The following PKD1 variants were observed in gnomAD, a reference collection of about 807,000 sequenced individuals.
PKD1 encodes the protein polycystin-1.
Under a neutral mutation model 361.7 loss-of-function variants are expected in PKD1, and 81 were observed. The observed-to-expected ratio is 0.22, with a 90% CI of 0.19 to 0.27. The LOEUF is 0.27. Among genes scored for constraint, PKD1 ranks in the 10% least tolerant of loss-of-function variants. PKD1 has a pLI of 1.00. For synonymous variants in PKD1, 3,615 were observed against 2,818.3 expected, an observed-to-expected ratio of 1.28 and a Z score of -8.95; for missense variants, 6,399 against 6,118.3, an observed-to-expected ratio of 1.05 and a Z score of -1.53.
Position 2,090,040 on chromosome 16 carries a change from C to G in PKD1, c.12599G>C (p.Ser4200Thr), listed in dbSNP as rs776993907. ...ACACCTTGTCCCCAGCCGGCCCAGG[C>G]TCACGCTCAGCCCATCCAGCTGGCT... Reference protein sequence around the residue: ...SSSQLDGLSVSLGRLGTRCEP... With the variant: ...SSSQLDGLSVTLGRLGTRCEP... The change falls in exon 46 of 46, where the codon AGC (serine) becomes ACC (threonine). Residue 4200 changes from serine (S) to threonine (T), a missense_variant. Transcript: ENST00000262304. 6.2e-7 allele frequency: 1 copy of G among 1,611,444 alleles called. No homozygotes were observed. Among genetic ancestry groups the G allele is most frequent in the South Asian group, 1.1e-5 (1 of 90,968 alleles).
rs768991283 is a variant in PKD1, at chr16:2,114,240, G to A, written c.2783C>T (p.Ala928Val). ...SRANLSLRVT[A>V]EEPICGLRAT... ...GCGGAGGCCACAGATGGGCTCCTCC[G>A]CCGTCACCCGCAGGCTGAGGTTGGC... Residue 928 changes from alanine to valine, a missense_variant, in exon 11 of 46, where the codon GCG becomes GTG. By Grantham distance (64) the Ala-to-Val change is moderately conservative. Transcript: ENST00000262304. The A allele has an allele frequency of 9.3e-6, 15 of 1,609,978 alleles. No individual in the cohort carries two copies. The highest frequency in any genetic ancestry group is 8.9e-5 in the East Asian group (4 of 44,854).
chr16:2,115,824 C>T (rs554939157), intron 9 of PKD1, among the ~76,000 whole-genome samples, 168 bp downstream of exon 9: 16 of 152,330 alleles, frequency 1.1e-4, no homozygotes, highest in African/African-American at 2.9e-4. Context: ...CCACCCAATC[C>T]ACCCCCAGGA....
chr16:2,097,043 C>T, intron 34 of PKD1, 105 bp downstream of exon 34: 1 of 763,334 alleles, frequency 1.3e-6, no homozygotes. Context: ...CAGCCCTGCC[C>T]TGGCACCCCA....
chr16:2,098,508 GC>G (rs1351708384), intron 30 of PKD1, among the ~76,000 whole-genome samples: 5 of 146,314 alleles, frequency 3.4e-5, no homozygotes, highest in Non-Finnish European at 7.5e-5. Flanking sequence ...ACCACACCCG[GC>G]CATCGTTCCA....
rs998586435 is a variant in PKD1 at position 2,109,861 on chromosome 16, T to C, written c.5306A>G (p.His1769Arg). The C allele has an allele frequency of 6.2e-7, 1 of 1,610,520 alleles. No individual in the cohort carries two copies. Among genetic ancestry groups the C allele is most frequent in the African/African-American group, 1.3e-5 (1 of 74,842 alleles). The change falls in exon 15 of 46, where the codon CAT becomes CGT. Residue 1769 changes from histidine to arginine, a missense_variant. Coordinates refer to ENST00000262304, the MANE Select transcript of PKD1 (RefSeq NM_001009944.3). The stretch of plus-strand genomic sequence containing the variant: ...GTGCAGGCCGGGTGTGGGGAAGCTA[T>C]GGGTGGTAAATGGCTCGGAGGTCTC... ...SWETSEPFTT[H>R]SFPTPGLHLV...
intron 1 of PKD1, among the ~76,000 whole-genome samples, chr16:2,129,159 C>G (rs2092836103): frequency 6.6e-6 from 1 of 151,292 alleles, no homozygotes; most frequent in Admixed American, 6.6e-5. Flanking sequence ...CCGCGCCCAC[C>G]CTGTTTTTTT....
chr16:2,094,217 G>T lies in PKD1; in HGVS notation c.10500-7C>A. On this transcript the variant is annotated splice_region_variant and splice_polypyrimidine_tract_variant and intron_variant, in intron 34 of 45. Coordinates refer to ENST00000262304, the MANE Select transcript of PKD1 (RefSeq NM_001009944.3). ...CTCCCCAGGAGTGCTGGACCTGAGG[G>T]ACATGGTAGGCTGTGAATTCATCCC... 6.5e-7 allele frequency: 1 copy of T among 1,528,150 alleles called. No homozygotes were observed. 94.7% of individuals were successfully genotyped at this position (1,528,150 alleles called of 1,614,324 possible). A position where few individuals can be genotyped will look rare whatever the true frequency, so the allele number is the denominator to read the frequency against.
At position 2,109,457 on chromosome 16, in the gene PKD1, G is replaced by A. The variant is rs748637493; in HGVS notation, c.5710C>T (p.Leu1904=). 1.2e-6 allele frequency: 2 copies of A among 1,607,476 alleles called. No homozygotes were observed. Among genetic ancestry groups the A allele is most frequent in the African/African-American group, 1.3e-5 (1 of 74,980 alleles). Residue 1904 remains leucine (L), a synonymous_variant, in exon 15 of 46, where the codon CTG becomes TTG. Transcript: ENST00000262304. ...GCCAGCAGGATCTGAAAATGGACCA[G>A]CTGCCCGGGCGCCACCACCTTGCTG... ...ASSKVVAPGQ[L]VHFQILLAAG...
At position 2,099,979 on chromosome 16, in the gene PKD1, G is replaced by A. The variant is rs980803513; in HGVS notation, c.9805C>T (p.Arg3269Trp). The change falls in exon 29 of 46, where the codon CGG becomes TGG. Residue 3269 changes from arginine to tryptophan, a missense_variant. By Grantham distance (101) the Arg-to-Trp change is moderately radical (BLOSUM62 -3). Transcript: ENST00000262304. ...CGAGTGAAACGGCTACGAGGCGGCC[G>A]GTCCCATATGGAGAGCCAGATGTGC... ...DKHIWLSIWDRPPRSRFTRIQ... is the reference protein window; with the variant it reads ...DKHIWLSIWDWPPRSRFTRIQ... 2.0e-5 allele frequency: 32 copies of A among 1,562,762 alleles called. No homozygotes were observed. The highest frequency in any genetic ancestry group is 5.7e-5 in the Admixed American group (3 of 52,364).
chr16:2,131,877 C>A (rs2092885450), intron 1 of PKD1: 1 of 152,184 alleles, frequency 6.6e-6, no homozygotes, highest in Non-Finnish European at 1.5e-5. Flanking sequence ...GTGGTGTTCA[C>A]AACGAATTGA....
chr16:2,116,187 C>T (rs550142667), intron 8 of PKD1, 69 bp from the exon 9 acceptor site: 6 of 1,518,418 alleles, frequency 4.0e-6, no homozygotes, highest in East Asian at 2.3e-5. Flanking sequence ...TCCCCCTACC[C>T]GAACTTCCCA....
At chr16:2,124,101 C>T (rs1459140543) in intron 1 of PKD1, among the ~76,000 whole-genome samples, 1 of 152,182 alleles carries the variant, frequency 6.6e-6, no homozygotes, top group Non-Finnish European at 1.5e-5. Flanking sequence ...GTCTTCACCC[C>T]TTCCCAGCAC....
At position 2,090,017 on chromosome 16, in the gene PKD1, A is replaced by C; in HGVS notation, c.12622T>G (p.Cys4208Gly). ...TGGAGGCGGGAGGGCTCAGGCTCAC[A>C]CCTTGTCCCCAGCCGGCCCAGGCTC... Reference protein sequence around the residue: ...SVSLGRLGTRCEPEPSRLQAV... With the variant: ...SVSLGRLGTRGEPEPSRLQAV... The change falls in exon 46 of 46, where the codon TGT becomes GGT. Residue 4208 changes from cysteine to glycine, a missense_variant. Transcript: ENST00000262304. 6.2e-7 allele frequency: 1 copy of C among 1,610,234 alleles called. No homozygotes were observed. Among genetic ancestry groups the C allele is most frequent in the Non-Finnish European group, 8.5e-7 (1 of 1,179,010 alleles).
chr16:2,091,916 A>G lies in PKD1; in HGVS notation c.11412-10T>C. 2 of 1,611,550 alleles carry G rather than the reference A, an allele frequency of 1.2e-6. No homozygotes were observed. The highest frequency in any genetic ancestry group is 1.7e-6 in the Non-Finnish European group (2 of 1,179,606). On this transcript the variant is annotated splice_polypyrimidine_tract_variant and intron_variant, in intron 40 of 45. Coordinates refer to ENST00000262304, the MANE Select transcript of PKD1 (RefSeq NM_001009944.3). Reference sequence around the variant, plus strand: ...GCCCCAGGACCATGCCCTGCCGGAGAGGGGTGGCGTGGGTGCCGCACCCCA... The same window carrying G: ...GCCCCAGGACCATGCCCTGCCGGAGGGGGGTGGCGTGGGTGCCGCACCCCA...
chr16:2,110,289 G>A lies in PKD1; in HGVS notation c.4878C>T (p.Val1626=). Residue 1626 remains valine, a synonymous_variant, in exon 15 of 46, where the codon GTC becomes GTT. Transcript: ENST00000262304. ...EVGSAQDSIF[V]YVLQLIEGLQ... ...GCCCCTCTATGAGCTGCAGGACATA[G>A]ACGAAGATGCTGTCCTGGGCGGAGC... 4 of 1,612,642 alleles carry A rather than the reference G, an allele frequency of 2.5e-6. No homozygotes were observed. The highest frequency in any genetic ancestry group is 3.4e-6 in the Non-Finnish European group (4 of 1,179,834).
At position 2,109,886 on chromosome 16, in the gene PKD1, C is replaced by G; in HGVS notation, c.5281G>C (p.Glu1761Gln). Residue 1761 changes from glutamate (E) to glutamine (Q), a missense_variant, in exon 15 of 46, where the codon GAG becomes CAG. By Grantham distance (29) the Glu-to-Gln change is conservative. Transcript: ENST00000262304. ...TGGGTGGTAAATGGCTCGGAGGTCT[C>G]CCAGCTCAGCCCCTCCTCCAAGGAC... Reference protein sequence around the residue: ...TWSLEEGLSWETSEPFTTHSF... With the variant: ...TWSLEEGLSWQTSEPFTTHSF... 1.2e-6 allele frequency: 2 copies of G among 1,610,624 alleles called. No individual in the cohort carries two copies. The highest frequency in any genetic ancestry group is 1.7e-5 in the Admixed American group (1 of 60,000).
At position 2,091,833 on chromosome 16, in the gene PKD1, C is replaced by T. The variant is rs142125098; in HGVS notation, c.11485G>A (p.Glu3829Lys). The T allele has an allele frequency of 2.0e-5, 32 of 1,610,078 alleles. No individual in the cohort carries two copies. Among genetic ancestry groups the T allele is most frequent in the Non-Finnish European group, 2.5e-5 (30 of 1,179,128 alleles). The change falls in exon 41 of 46, where the codon GAG becomes AAG. Residue 3829 changes from glutamate to lysine, a missense_variant. By Grantham distance (56) the Glu-to-Lys change is moderately conservative. Transcript: ENST00000262304. ...AGGAAGCGCAGCCGGTCGCGGCTCT[C>T]CTCCAGGCTCAGGCCCAGCTCCTGC... The part of the protein sequence containing the change: ...YVQELGLSLE[E>K]SRDRLRFLQL...
At chr16:2,097,654 C>T (rs375673229) in intron 32 of PKD1, 74 bp downstream of exon 32, 103 of 1,610,648 alleles carry the variant, frequency 6.4e-5, no homozygotes, top group East Asian at 2.0e-4. Context: ...AGCAAGGACA[C>T]GCAGCCCGCA....
At chr16:2,091,234 G>C (rs1428610170) in intron 42 of PKD1, 60 bp from the exon 43 acceptor site, 4 of 780,502 alleles carry the variant, frequency 5.1e-6, no homozygotes, top group Non-Finnish European at 6.7e-6. Flanking sequence ...CCCTGCGAGG[G>C]GGCGGGACGC....
Sources: gnomAD v4.1 joint callset for allele counts (sites outside exome capture counted in the v4.1 genomes callset) on GRCh38, gnomAD v4.1.1 for gene constraint, MANE v1.5 for transcripts, NCBI Gene and HGNC (gene_info 2026-07-23, HGNC 2026-07-21) for gene names.